NAALADL2: variants seen among roughly 807,000 people sequenced by gnomAD.
NAALADL2 encodes inactive N-acetylated-alpha-linked acidic dipeptidase-like protein 2.
Under a neutral mutation model 87.2 loss-of-function variants are expected in NAALADL2, and 76 were observed. The observed-to-expected ratio is 0.87, with a 90% CI of 0.72 to 1.05. NAALADL2 has a LOEUF of 1.05. Among genes scored for constraint, NAALADL2 ranks in the 50% least tolerant of loss-of-function variants. The pLI is 0.00. For missense variants in NAALADL2, 1,089 were observed against 945.8 expected (o/e 1.15, Z -1.99); for synonymous variants, 354 against 331.0 (o/e 1.07, Z -0.75).
chr3:175,617,902 G>A (rs530640248), intron 10 of NAALADL2, among the ~76,000 whole-genome samples: 156 of 152,270 alleles, frequency 1.0e-3, no homozygotes, highest in Non-Finnish European at 2.9e-4. Context: ...AAGCCCTCCA[G>A]TATGCACACC....
At chr3:175,421,617 C>T (rs1054262249) in intron 5 of NAALADL2, among the ~76,000 whole-genome samples, 1 of 152,048 alleles carries the variant, frequency 6.6e-6, no homozygotes, top group East Asian at 1.9e-4. Flanking sequence ...AATTAAAATA[C>T]AGATTGCAAG....
chr3:174,965,745 G>A (rs1461370173), intron 1 of NAALADL2, among the ~76,000 whole-genome samples: 5 of 152,072 alleles, frequency 3.3e-5, no homozygotes, highest in African/African-American at 4.8e-5. Context: ...GTCTTTCAGC[G>A]AAATCAGAGG....
intron 3 of NAALADL2, among the ~76,000 whole-genome samples, chr3:174,740,291 T>C (rs1027644031): frequency 6.6e-6 from 1 of 151,912 alleles, no homozygotes; most frequent in African/African-American, 2.4e-5. Context: ...TAGATTGAGG[T>C]AGTTAATTTT....
intron 9 of NAALADL2, among the ~76,000 whole-genome samples, chr3:175,562,900 A>G (rs545385192): frequency 2.0e-5 from 3 of 152,092 alleles, no homozygotes; most frequent in South Asian, 4.1e-4. Context: ...AAGGCAGGAG[A>G]AAACACAGTT....
intron 13 of NAALADL2, among the ~76,000 whole-genome samples, chr3:175,777,468 C>T (rs969098953): frequency 3.3e-5 from 5 of 152,024 alleles, no homozygotes; most frequent in African/African-American, 9.7e-5. Flanking sequence ...ACTAAATGTT[C>T]AAGTATTAGC....
At chr3:175,076,361 A>G (rs1716602902) in intron 1 of NAALADL2, among the ~76,000 whole-genome samples, 1 of 149,292 alleles carries the variant, frequency 6.7e-6, no homozygotes, top group Admixed American at 6.7e-5. Flanking sequence ...AGAGAAGAAT[A>G]GGTGTCTAAA....
At chr3:175,771,690 T>G (rs866696753) in intron 13 of NAALADL2, among the ~76,000 whole-genome samples, 5 of 152,180 alleles carry the variant, frequency 3.3e-5, no homozygotes, top group Admixed American at 6.5e-5. Flanking sequence ...CAAGGAGACT[T>G]GTGATTGGAT....
intron 2 of NAALADL2, among the ~76,000 whole-genome samples, chr3:174,579,064 C>T (rs1488176019): frequency 1.3e-5 from 2 of 151,956 alleles, no homozygotes; most frequent in Non-Finnish European, 2.9e-5. Context: ...CCACTAACAC[C>T]TTGAATGATG....
intron 1 of NAALADL2, among the ~76,000 whole-genome samples, chr3:175,083,363 G>A (rs1240741418): frequency 4.6e-5 from 7 of 152,098 alleles, no homozygotes; most frequent in Non-Finnish European, 1.5e-5. Flanking sequence ...GGGTGTCTGG[G>A]CGTGTGCATA....
At chr3:175,387,063 T>C (rs939718574) in intron 5 of NAALADL2, among the ~76,000 whole-genome samples, 11 of 152,064 alleles carry the variant, frequency 7.2e-5, no homozygotes, top group African/African-American at 2.4e-4. Context: ...AACTGTGAAG[T>C]GGGAAAATTT....
At chr3:175,516,450 T>C (rs1445702752) in intron 9 of NAALADL2, among the ~76,000 whole-genome samples, 1 of 152,214 alleles carries the variant, frequency 6.6e-6, no homozygotes, top group Admixed American at 6.5e-5. Flanking sequence ...TACTTCGTGA[T>C]ACCAGTGTGA....
intron 1 of NAALADL2, among the ~76,000 whole-genome samples, chr3:175,093,107 A>G (rs1720449744): frequency 1.3e-5 from 2 of 151,848 alleles, no homozygotes; most frequent in African/African-American, 2.4e-5. Context: ...TAACATGACA[A>G]TACAAACTAA....
intron 9 of NAALADL2, among the ~76,000 whole-genome samples, chr3:175,518,298 C>T (rs1033767873): frequency 7.2e-5 from 11 of 152,122 alleles, no homozygotes; most frequent in Non-Finnish European, 1.3e-4. Context: ...GAGCTTCATC[C>T]TCTTTCCTAA....
At chr3:174,734,277 T>A (rs562226942) in intron 2 of NAALADL2, among the ~76,000 whole-genome samples, 206 of 152,332 alleles carry the variant, frequency 1.4e-3, no homozygotes, top group South Asian at 5.8e-3. Flanking sequence ...CTGAATTATG[T>A]GTGTGTATAG....
chr3:175,021,724 C>T (rs1751583900), intron 1 of NAALADL2, among the ~76,000 whole-genome samples: 1 of 152,018 alleles, frequency 6.6e-6, no homozygotes, highest in African/African-American at 2.4e-5. Context: ...GGGGTGAGAC[C>T]AGGGGAGTGT....
intron 1 of NAALADL2, among the ~76,000 whole-genome samples, chr3:174,989,223 T>C (rs1041788201): frequency 1.3e-5 from 2 of 152,124 alleles, no homozygotes; most frequent in South Asian, 2.1e-4. Flanking sequence ...CAACACTGGA[T>C]ACCAAATTTC....
At chr3:174,792,054 A>C (rs1026371241) in intron 3 of NAALADL2, among the ~76,000 whole-genome samples, 2 of 152,062 alleles carry the variant, frequency 1.3e-5, no homozygotes, top group Admixed American at 1.3e-4. Flanking sequence ...ACTAAAACAA[A>C]AAACAAACAA....
intron 2 of NAALADL2, among the ~76,000 whole-genome samples, chr3:174,736,745 C>CTT (rs775382492): frequency 1.3e-5 from 2 of 152,148 alleles, no homozygotes; most frequent in Non-Finnish European, 2.9e-5. Context: ...GCCATCCTGG[C>CTT]TTGAAGGTGC....
chr3:175,783,163 G>C (rs1576812838), intron 13 of NAALADL2, among the ~76,000 whole-genome samples: 1 of 152,132 alleles, frequency 6.6e-6, no homozygotes, highest in African/African-American at 2.4e-5. Context: ...TTGTTCTTTT[G>C]ACTTAGGACT....
Sources: allele counts gnomAD v4.1 joint callset (sites outside exome capture counted in the v4.1 genomes callset), GRCh38; gene constraint gnomAD v4.1.1; transcripts MANE v1.5; gene names NCBI Gene and HGNC (gene_info 2026-07-23, HGNC 2026-07-21).